Variants in TTF2 observed in about 807,000 individuals in gnomAD.
TTF2 encodes the protein RNA polymerase II termination factor.
TTF2 carries 108 observed loss-of-function variants against 142.4 expected under a neutral mutation model. The ratio of observed to expected loss-of-function variants is 0.76; its 90% confidence interval spans 0.65 to 0.89. The LOEUF (loss-of-function observed/expected upper bound fraction) is 0.89, where lower values mean the gene tolerates loss of function less well. Among genes scored for constraint, TTF2 ranks in the 40% least tolerant of loss-of-function variants. The pLI, the probability that TTF2 is intolerant of heterozygous loss-of-function variation, is 0.00. For synonymous variants in TTF2, 483 were observed against 506.2 expected (o/e 0.95, Z 0.61); for missense variants, 1,327 against 1,379.8 (o/e 0.96, Z 0.61).
rs952329499 is a variant in TTF2 at position 117,097,807 on chromosome 1, C to T, written c.3269+374C>T. The stretch of plus-strand genomic sequence containing the variant: ...TTGTTGGGGTCCAAGGAAATTTCAA[C>T]CTTTGAAAAGAGGGAGAAGCATTAC... On this transcript the variant is annotated intron_variant, in intron 21 of 22. Transcript: ENST00000369466. This position sits in a 1 kb window ranked among gnomAD's most constrained non-coding sequence, Gnocchi z 4.1. 2.6e-5 allele frequency among the ~76,000 whole-genome samples: 4 copies of T among 152,100 alleles called. No individual in the cohort carries two copies. The highest frequency in any genetic ancestry group is 5.9e-5 in the Non-Finnish European group (4 of 68,026).
chr1:117,100,059 C>A lies in TTF2; in HGVS notation c.3344+1152C>A, dbSNP rs1649462622. Among the ~76,000 whole-genome samples the A allele has an allele frequency of 6.6e-6, 1 of 152,234 alleles. No homozygotes were observed. Among genetic ancestry groups the A allele is most frequent in the South Asian group, 2.1e-4 (1 of 4,834 alleles). ...TCCACATACTCATCTGTTATTCCTT[C>A]TTTTATTCATTGTTCTTTTGAGCAT... On this transcript the variant is annotated intron_variant, in intron 22 of 22. Transcript: ENST00000369466. The surrounding 1 kb of genome is among the most constrained non-coding windows in gnomAD (Gnocchi z 4.6).
chr1:117,091,345 A>G lies in TTF2; in HGVS notation c.2606A>G (p.Tyr869Cys). The G allele has an allele frequency of 6.2e-7, 1 of 1,613,050 alleles. No homozygotes were observed. Among genetic ancestry groups the G allele is most frequent in the Non-Finnish European group, 8.5e-7 (1 of 1,179,784 alleles). Reference protein sequence around the residue: ...FARSRSALQSYLKRHESRGNQ... With the variant: ...FARSRSALQSCLKRHESRGNQ... ...TGAGGCAGGTCAGCTCTGCAATCCT[A>G]TCTAAAAAGACATGAAAGTAGAGGC... The change falls in exon 16 of 23, where the codon TAT (tyrosine) becomes TGT (cysteine). Residue 869 changes from tyrosine to cysteine, a missense_variant. Physicochemically the swap from Tyr to Cys is radical, Grantham distance 194. Coordinates refer to ENST00000369466, the MANE Select transcript of TTF2 (RefSeq NM_003594.4).
In TTF2 at chr1:117,100,284, C is replaced by T. The variant is rs1192198560; in HGVS notation, c.3345-1096C>T. On this transcript the variant is annotated intron_variant, in intron 22 of 22. Coordinates refer to ENST00000369466, the MANE Select transcript of TTF2 (RefSeq NM_003594.4). The surrounding 1 kb of genome is among the most constrained non-coding windows in gnomAD (Gnocchi z 4.6). ...GCCAGAACTAGACTCCTACCTTTCT[C>T]GCTTTTCCACTTACCAAGTCCTTTA... 1.3e-5 allele frequency among the ~76,000 whole-genome samples: 2 copies of T among 152,218 alleles called. No homozygotes were observed. Among genetic ancestry groups the T allele is most frequent in the Non-Finnish European group, 2.9e-5 (2 of 68,048 alleles).
intron 13 of TTF2, among the ~76,000 whole-genome samples, chr1:117,089,264 A>G: frequency 6.8e-6 from 1 of 146,746 alleles, no homozygotes; most frequent in Non-Finnish European, 1.5e-5. Flanking sequence ...TATATGCTAT[A>G]TATATATATA....
At position 117,060,482 on chromosome 1, in the gene TTF2, T is replaced by C; in HGVS notation, c.56T>C (p.Val19Ala). The change falls in exon 2 of 23, where the codon GTC becomes GCC. Residue 19 changes from valine to alanine, a missense_variant. Transcript: ENST00000369466. ...ACTTTCTGCTTTCTTAAGACCGGCG[T>C]CCGCGATGGCCCGAATAAAGGAAAG... ...HGTFCFLKTG[V>A]RDGPNKGKSF... 6.2e-7 allele frequency: 1 copy of C among 1,613,960 alleles called. No individual in the cohort carries two copies. Among genetic ancestry groups the C allele is most frequent in the Non-Finnish European group, 8.5e-7 (1 of 1,179,860 alleles).
intron 19 of TTF2, 143 bp from the exon 20 acceptor site, chr1:117,096,006 G>A (rs1649105990): frequency 9.0e-6 from 7 of 781,662 alleles, no homozygotes; most frequent in South Asian, 3.6e-5. Flanking sequence ...ACCTAAATGT[G>A]TGCCTTCTCC....
At chr1:117,066,857 G>A (rs1160624263) in intron 3 of TTF2, among the ~76,000 whole-genome samples, 1 of 151,880 alleles carries the variant, frequency 6.6e-6, no homozygotes, top group South Asian at 2.1e-4. Context: ...TGTGTGTCAC[G>A]ACGCCCAGCT....
rs753914858 is a variant in TTF2 at position 117,060,480 on chromosome 1, C to A, written c.54C>A (p.Gly18=). The A allele has an allele frequency of 6.8e-6, 11 of 1,613,816 alleles. No individual in the cohort carries two copies. Among genetic ancestry groups the A allele is most frequent in the Non-Finnish European group, 9.3e-6 (11 of 1,179,868 alleles). ...EHGTFCFLKT[G]VRDGPNKGKS... ...GGACTTTCTGCTTTCTTAAGACCGG[C>A]GTCCGCGATGGCCCGAATAAAGGAA... The change falls in exon 2 of 23, where the codon GGC becomes GGA. Residue 18 remains glycine (G), a synonymous_variant. Transcript: ENST00000369466.
intron 18 of TTF2, chr1:117,094,877 A>G (rs549738158): frequency 5.9e-6 from 2 of 339,270 alleles, no homozygotes; most frequent in Middle Eastern, 1.1e-3. Flanking sequence ...GGGGGTTGGG[A>G]GGACCTCCAA....
chr1:117,095,471 A>G lies in TTF2; in HGVS notation c.3035+104A>G, dbSNP rs1649037026. On this transcript the variant is annotated intron_variant, in intron 19 of 22. Coordinates refer to ENST00000369466, the MANE Select transcript of TTF2 (RefSeq NM_003594.4). ...AGGACTGTGAGTCATGCTCAGCAGA[A>G]AGCACTGAGGTTATAGCACACATTC... is the stretch of plus-strand genomic sequence containing the variant. 5 of 1,075,558 alleles carry G rather than the reference A, an allele frequency of 4.6e-6. No individual in the cohort carries two copies. The Admixed American group carries it at 8.9e-5, about 19-fold the overall frequency. 66.6% of individuals were successfully genotyped at this position (1,075,558 alleles called of 1,614,324 possible).
chr1:117,062,098 G>C (rs1323381162), intron 2 of TTF2, among the ~76,000 whole-genome samples: 2 of 152,180 alleles, frequency 1.3e-5, no homozygotes, highest in African/African-American at 4.8e-5. Context: ...CCCTAATTAT[G>C]TCATTCGTAG....
chr1:117,067,307 G>A (rs141676423), intron 3 of TTF2, among the ~76,000 whole-genome samples: 1,573 of 152,068 alleles, frequency 0.01, 26 homozygotes, highest in African/African-American at 0.035. Flanking sequence ...CAAGGCCGGC[G>A]GATCACTTGA....
At position 117,097,384 on chromosome 1, in the gene TTF2, G is replaced by C; in HGVS notation, c.3220G>C (p.Gly1074Arg). ...AATCTCTCTCTTGGCCGGAGGTGTT[G>C]GTCTAAACCTGACTGGAGGAAATCA... ...MLISLLAGGVGLNLTGGNHLF... is the reference protein window; with the variant it reads ...MLISLLAGGVRLNLTGGNHLF... The change falls in exon 21 of 23, where the codon GGT becomes CGT. Residue 1074 changes from glycine (G) to arginine (R), a missense_variant. Transcript: ENST00000369466. The surrounding 1 kb of genome is among the most constrained non-coding windows in gnomAD (Gnocchi z 4.1). The C allele has an allele frequency of 6.2e-7, 1 of 1,614,094 alleles. No homozygotes were observed. Among genetic ancestry groups the C allele is most frequent in the Non-Finnish European group, 8.5e-7 (1 of 1,180,002 alleles).
In TTF2 at chr1:117,088,867, A is replaced by G; in HGVS notation, c.2227A>G (p.Lys743Glu). 1 of 1,614,214 alleles carries G rather than the reference A, an allele frequency of 6.2e-7. No individual in the cohort carries two copies. Residue 743 changes from lysine (K) to glutamate (E), a missense_variant, in exon 13 of 23, where the codon AAG (lysine) becomes GAG (glutamate). Transcript: ENST00000369466. ...RIILDEAHNV[K>E]NPRVQTSIAV... ...CATATTGGATGAAGCTCACAATGTTAAGAATCCCCGAGTGCAGACTTCCAT... is the reference window on the plus strand; with the variant it reads ...CATATTGGATGAAGCTCACAATGTTGAGAATCCCCGAGTGCAGACTTCCAT...
At position 117,085,433 on chromosome 1, in the gene TTF2, G is replaced by C. The variant is rs907207697; in HGVS notation, c.2055-984G>C. ...CTGGGTGTGGTGGTGTGCACTTGTA[G>C]TGCCATTTACTTGGGAGGCTGAGGT... On this transcript the variant is annotated intron_variant, in intron 11 of 22. Transcript: ENST00000369466. This position sits in a 1 kb window ranked among gnomAD's most constrained non-coding sequence, Gnocchi z 4.7. Among the ~76,000 whole-genome samples, 11 of 152,054 alleles carry C rather than the reference G, an allele frequency of 7.2e-5. No individual in the cohort carries two copies. Among genetic ancestry groups the C allele is most frequent in the African/African-American group, 2.7e-4 (11 of 41,398 alleles).
chr1:117,076,231 T>G lies in TTF2; in HGVS notation c.1327T>G (p.Leu443Val). 6.2e-7 allele frequency: 1 copy of G among 1,613,926 alleles called. No homozygotes were observed. Among genetic ancestry groups the G allele is most frequent in the East Asian group, 2.2e-5 (1 of 44,886 alleles). Residue 443 changes from leucine (L) to valine (V), a missense_variant, in exon 6 of 23, where the codon TTG becomes GTG. Physicochemically the swap from Leu to Val is conservative, Grantham distance 32 (BLOSUM62 1). Coordinates refer to ENST00000369466, the MANE Select transcript of TTF2 (RefSeq NM_003594.4). This position sits in a 1 kb window ranked among gnomAD's most constrained non-coding sequence, Gnocchi z 4.6. ...GGCTCTTCCAGACAAGGGTCAGAAG[T>G]TGATCAAACAAATCCAGGAGCTGGA... ...IQALPDKGQK[L>V]IKQIQELEEV... is the part of the protein sequence containing the mutation.
chr1:117,062,405 C>G lies in TTF2; in HGVS notation c.150C>G (p.Cys50Trp), dbSNP rs199584993. ...TCTCTAGCATTCCTGTTTCCCATTG[C>G]TTATTGCATGAGGACTTTGTGGTAG... is the stretch of plus-strand genomic sequence containing the variant. ...VRATDIPVSH[C>W]LLHEDFVVEL... The change falls in exon 3 of 23, where the codon TGC (cysteine) becomes TGG (tryptophan). Residue 50 changes from cysteine to tryptophan, a missense_variant. Transcript: ENST00000369466. 2 of 1,613,286 alleles carry G rather than the reference C, an allele frequency of 1.2e-6. No homozygotes were observed. The highest frequency in any genetic ancestry group is 1.7e-5 in the Admixed American group (1 of 59,928).
intron 2 of TTF2, among the ~76,000 whole-genome samples, chr1:117,061,253 A>G (rs1342576251): frequency 2.6e-5 from 4 of 152,154 alleles, no homozygotes; most frequent in Non-Finnish European, 4.4e-5. Context: ...TTGTCTAGGC[A>G]TGGTATCACA....
In TTF2 at chr1:117,106,980, T is replaced by C. The variant is rs1437227755; in HGVS notation, c.*5456T>C. On this transcript the variant is annotated 3_prime_UTR_variant, in exon 23 of 23. Coordinates refer to ENST00000369466, the MANE Select transcript of TTF2 (RefSeq NM_003594.4). ...CAACATCCCAGAGGACAGAGGCTCT[T>C]ATTTGTGACTCTTTTTTCTTACCTG... 6.6e-6 allele frequency: 1 copy of C among 152,242 alleles called. No homozygotes were observed. Among genetic ancestry groups the C allele is most frequent in the Non-Finnish European group, 1.5e-5 (1 of 68,050 alleles). 9.4% of individuals were successfully genotyped at this position (152,242 alleles called of 1,614,324 possible).
Sources: allele counts gnomAD v4.1 joint callset (sites outside exome capture counted in the v4.1 genomes callset), GRCh38; gene constraint gnomAD v4.1.1; non-coding constraint Gnocchi (gnomAD v3.1); transcripts MANE v1.5; gene names NCBI Gene and HGNC (gene_info 2026-07-23, HGNC 2026-07-21).